Variants in RND3 observed in about 807,000 individuals in gnomAD.
The protein encoded by RND3 is Rho family GTPase 3.
A neutral mutation model predicts 26.5 loss-of-function variants in RND3; 8 were observed. That is an observed-to-expected ratio of 0.30 (90% CI 0.18 to 0.54). The LOEUF is 0.54. Among genes scored for constraint, RND3 ranks in the 20% least tolerant of loss-of-function variants. The pLI, the probability that RND3 is intolerant of heterozygous loss-of-function variation, is 0.94. For synonymous variants in RND3, 113 were observed against 113.0 expected, an observed-to-expected ratio of 1.00 and a Z score of 0.00; for missense variants, 207 against 302.8, an observed-to-expected ratio of 0.68 and a Z score of 2.35.
At chr2:150,484,271 C>T (rs958499191) in intron 3 of RND3, among the ~76,000 whole-genome samples, 3 of 152,150 alleles carry the variant, frequency 2.0e-5, no homozygotes, top group Admixed American at 2.0e-4. Context: ...CATGAAGATA[C>T]CTGAAGTGGT....
At chr2:150,487,186 G>A in intron 2 of RND3, 82 bp downstream of exon 2, 1 of 921,260 alleles carries the variant, frequency 1.1e-6, no homozygotes, top group Non-Finnish European at 1.5e-6. Flanking sequence ...AAGGGAAAAC[G>A]GATGAAAGCG....
At chr2:150,477,878 T>C (rs979078562) in intron 3 of RND3, among the ~76,000 whole-genome samples, 2 of 152,164 alleles carry the variant, frequency 1.3e-5, no homozygotes, top group African/African-American at 4.8e-5. Flanking sequence ...GGATGACACT[T>C]TGATCCCATT....
At position 150,469,918 on chromosome 2, in the gene RND3, C is replaced by A. The variant is rs977721468; in HGVS notation, c.*69G>T. 12 of 1,574,970 alleles carry A rather than the reference C, an allele frequency of 7.6e-6. No homozygotes were observed. In the African/African-American group the frequency reaches 1.4e-4, roughly 18 times the overall value. ...ACTTTGGCTGTGCACTTCATTTAGA[C>A]TTCACCTTTTTGTTTGCTGTTGTTT... On this transcript the variant is annotated 3_prime_UTR_variant, in exon 6 of 6. Coordinates refer to ENST00000263895, the MANE Select transcript of RND3 (RefSeq NM_005168.5).
chr2:150,480,581 C>T lies in RND3; in HGVS notation c.239-5597G>A, dbSNP rs1031036754. Among the ~76,000 whole-genome samples the T allele has an allele frequency of 3.3e-5, 5 of 151,980 alleles. No homozygotes were observed. The South Asian group carries it at 1.0e-3, about 32-fold the overall frequency. Reference sequence around the variant, plus strand: ...GTTATTTCGGGTGTTATCAGAATGACCAATTTGGATGCTTCATTGAAATGT... The same window carrying T: ...GTTATTTCGGGTGTTATCAGAATGATCAATTTGGATGCTTCATTGAAATGT... On this transcript the variant is annotated intron_variant, in intron 3 of 5. Coordinates refer to ENST00000263895, the MANE Select transcript of RND3 (RefSeq NM_005168.5).
chr2:150,480,581 C>A (rs1031036754), intron 3 of RND3, among the ~76,000 whole-genome samples: 1 of 151,862 alleles, frequency 6.6e-6, no homozygotes, highest in African/African-American at 2.4e-5. Context: ...ATCAGAATGA[C>A]CAATTTGGAT....
At position 150,471,938 on chromosome 2, in the gene RND3, TTAC is replaced by T. The variant is rs943239750; in HGVS notation, c.349-180_349-178del. The stretch of plus-strand genomic sequence containing the variant: ...TTATCTCCTGAACAGATGTGAAGTT[TTAC>T]TACTTTTTAAGCATTAGAGAATAAT... On this transcript the variant is annotated intron_variant, in intron 4 of 5. Coordinates refer to ENST00000263895, the MANE Select transcript of RND3 (RefSeq NM_005168.5). The T allele has an allele frequency of 8.0e-5, 46 of 576,604 alleles. 1 individual carries two copies. The highest frequency in any genetic ancestry group is 5.5e-4 in the African/African-American group (29 of 53,204). 35.7% of individuals were successfully genotyped at this position (576,604 alleles called of 1,614,324 possible). A position where few individuals can be genotyped will look rare whatever the true frequency, so the allele number is the denominator to read the frequency against.
chr2:150,485,972 G>A (rs1482036621), intron 3 of RND3, among the ~76,000 whole-genome samples: 2 of 152,182 alleles, frequency 1.3e-5, no homozygotes, highest in African/African-American at 4.8e-5. Flanking sequence ...CCGAGTGGGG[G>A]ATGCAATAGA....
chr2:150,475,601 G>A (rs1035072645), intron 3 of RND3, among the ~76,000 whole-genome samples: 2 of 152,168 alleles, frequency 1.3e-5, no homozygotes, highest in African/African-American at 4.8e-5. Flanking sequence ...GAGGGAGAGA[G>A]GAAGAGGAAG....
intron 3 of RND3, among the ~76,000 whole-genome samples, chr2:150,476,635 C>T (rs1322163587): frequency 6.6e-6 from 1 of 152,166 alleles, no homozygotes; most frequent in East Asian, 1.9e-4. Context: ...AGAGCAGAGG[C>T]TGACAGCTGA....
intron 3 of RND3, among the ~76,000 whole-genome samples, chr2:150,485,819 C>G (rs561095082): frequency 6.6e-6 from 1 of 152,224 alleles, no homozygotes; most frequent in South Asian, 2.1e-4. Flanking sequence ...CCACCGCGCG[C>G]CAGGTAGGTG....
intron 3 of RND3, among the ~76,000 whole-genome samples, chr2:150,483,324 GA>G (rs1476270273): frequency 6.6e-6 from 1 of 152,106 alleles, no homozygotes; most frequent in African/African-American, 2.4e-5. Flanking sequence ...AACAGGACAG[GA>G]AATATCATTC....
chr2:150,470,489 G>A (rs1011830160), intron 5 of RND3, among the ~76,000 whole-genome samples: 2 of 152,148 alleles, frequency 1.3e-5, no homozygotes, highest in African/African-American at 2.4e-5. Flanking sequence ...AGAGGTGTTA[G>A]AGCTCTGAAT....
intron 5 of RND3, among the ~76,000 whole-genome samples, chr2:150,470,538 T>C (rs1686069788): frequency 6.6e-6 from 1 of 152,150 alleles, no homozygotes; most frequent in South Asian, 2.1e-4. Context: ...AAGACCCTGG[T>C]TATCAAACAC....
intron 4 of RND3, among the ~76,000 whole-genome samples, chr2:150,472,630 G>A (rs964440538): frequency 6.6e-6 from 1 of 152,064 alleles, no homozygotes; most frequent in Non-Finnish European, 1.5e-5. Context: ...GGAGATCTTT[G>A]GCCTTTGAGG....
rs1045118743 is a variant in RND3, at chr2:150,486,605, C to A, written c.238+89G>T. 3.2e-6 allele frequency: 3 copies of A among 932,962 alleles called. No individual in the cohort carries two copies. In the South Asian group the frequency reaches 3.9e-5, roughly 12 times the overall value. 57.8% of individuals were successfully genotyped at this position (932,962 alleles called of 1,614,324 possible). A position where few individuals can be genotyped will look rare whatever the true frequency, so the allele number is the denominator to read the frequency against. ...AATCCCTTGGGAGGGGCGCAGACGG[C>A]TTGTAGCGCGCGGTTTCCCGAGACC... is the stretch of plus-strand genomic sequence containing the variant. On this transcript the variant is annotated intron_variant, in intron 3 of 5. Transcript: ENST00000263895. This position sits in a 1 kb window ranked among gnomAD's most constrained non-coding sequence, Gnocchi z 4.5.
chr2:150,469,980 G>T lies in RND3; in HGVS notation c.*7C>A. On this transcript the variant is annotated 3_prime_UTR_variant, in exon 6 of 6. Coordinates refer to ENST00000263895, the MANE Select transcript of RND3 (RefSeq NM_005168.5). ...TTCCTTTGTCTTCATTAAAGATAAT[G>T]AAAGATTCACATCACAGTGCAGCTC... The T allele has an allele frequency of 6.2e-7, 1 of 1,612,526 alleles. No individual in the cohort carries two copies.
intron 4 of RND3, among the ~76,000 whole-genome samples, chr2:150,474,211 C>CGGAG (rs1449194342): frequency 6.6e-6 from 1 of 152,168 alleles, no homozygotes; most frequent in Non-Finnish European, 1.5e-5. Context: ...TCTTGATCTC[C>CGGAG]CCCTGGTTCC....
Position 150,470,336 on chromosome 2 carries a change from C to T in RND3, c.484-98G>A, listed in dbSNP as rs768654101. ...CACAAAATAATAACACATTGCAAAA[C>T]GTTTGCTGATATGTTAACTGAATTT... On this transcript the variant is annotated intron_variant, in intron 5 of 5. Transcript: ENST00000263895. The T allele has an allele frequency of 3.1e-5, 41 of 1,313,386 alleles. No homozygotes were observed. The South Asian group carries it at 3.5e-4, about 11-fold the overall frequency. 81.4% of individuals were successfully genotyped at this position (1,313,386 alleles called of 1,614,324 possible).
In RND3 at chr2:150,471,762, C is replaced by T; in HGVS notation, c.349-1G>A. The T allele has an allele frequency of 6.6e-7, 1 of 1,505,450 alleles. No individual in the cohort carries two copies. The highest frequency in any genetic ancestry group is 1.2e-5 in the South Asian group (1 of 85,200). 93.3% of individuals were successfully genotyped at this position (1,505,450 alleles called of 1,614,324 possible). ...AAAATTCCTGGATTTCACCTTTCCA[C>T]TATGAAAGAAAAAAAAAAAAGATTA... On this transcript the variant is annotated splice_acceptor_variant, in intron 4 of 5. Transcript: ENST00000263895. LOFTEE classifies it high-confidence loss of function.
Sources: gnomAD v4.1 joint callset for allele counts (sites outside exome capture counted in the v4.1 genomes callset) on GRCh38, gnomAD v4.1.1 for gene constraint, Gnocchi (gnomAD v3.1) non-coding constraint, MANE v1.5 for transcripts, NCBI Gene and HGNC (gene_info 2026-07-23, HGNC 2026-07-21) for gene names.